LRP1B: variants seen among roughly 807,000 people sequenced by gnomAD.
The protein encoded by LRP1B is LDL receptor related protein 1B.
LRP1B carries 217 observed loss-of-function variants against 556.6 expected under a neutral mutation model. The observed-to-expected ratio is 0.39, with a 90% CI of 0.35 to 0.44. The LOEUF is 0.44. Among genes scored for constraint, LRP1B ranks in the 20% least tolerant of loss-of-function variants. The pLI is 1.00. For synonymous variants in LRP1B, 2,047 were observed against 1,865.8 expected (o/e 1.10, Z -2.50); for missense variants, 5,053 against 5,620.8 (o/e 0.90, Z 3.23).
chr2:140,728,585 C>T (rs288100), intron 35 of LRP1B, among the ~76,000 whole-genome samples: 149,864 of 152,276 alleles, frequency 0.98, 73,784 homozygotes, highest in Middle Eastern at 1. Context: ...GTTCCTCAAA[C>T]GTTCGGTTTC....
chr2:141,439,224 C>T lies in LRP1B; in HGVS notation c.343+41172G>A, dbSNP rs974592151. Among the ~76,000 whole-genome samples the T allele has an allele frequency of 7.9e-5, 12 of 152,112 alleles. 1 individual carries two copies. In the South Asian group the frequency reaches 1.5e-3, roughly 18 times the overall value. On this transcript the variant is annotated intron_variant, in intron 3 of 90. Transcript: ENST00000389484. The stretch of plus-strand genomic sequence containing the variant: ...GTGAAATCATTTATTATGTACTACA[C>T]GGGAACATATTAAATGTGAGAAGTT...
rs76194308 is a variant in LRP1B at position 141,429,481 on chromosome 2, A to G, written c.343+50915T>C. ...GTCTTGGTTAAGGAAAACTGTTTTT[A>G]TTTTTTTCCAGCTTTTAAGTTCAGG... On this transcript the variant is annotated intron_variant, in intron 3 of 90. Transcript: ENST00000389484. Among the ~76,000 whole-genome samples the G allele has an allele frequency of 1.9e-3, 292 of 152,080 alleles. 3 individuals are homozygous for G. The East Asian group carries it at 0.021, about 11-fold the overall frequency.
At position 141,359,272 on chromosome 2, in the gene LRP1B, A is replaced by AG. The variant is rs996460770; in HGVS notation, c.344-104632_344-104631insC. ...AAGACAAGGACAAAATAAATGAAAAAAAAAAAAACCACAGAATTGCTAAAT... is the reference window on the plus strand; with the variant it reads ...AAGACAAGGACAAAATAAATGAAAAAGAAAAAAAACCACAGAATTGCTAAAT... On this transcript the variant is annotated intron_variant, in intron 3 of 90. Transcript: ENST00000389484. Among the ~76,000 whole-genome samples, 103 of 151,584 alleles carry AG rather than the reference A, an allele frequency of 6.8e-4. 3 individuals are homozygous for AG. The highest frequency in any genetic ancestry group is 9.1e-4 in the Non-Finnish European group (62 of 67,836).
intron 1 of LRP1B, among the ~76,000 whole-genome samples, chr2:141,837,325 T>C (rs916978916): frequency 3.9e-5 from 6 of 152,034 alleles, no homozygotes; most frequent in Non-Finnish European, 8.8e-5. Flanking sequence ...TGCTTTTTCT[T>C]TTCTGAATGT....
At chr2:140,679,546 A>G (rs1685790172) in intron 41 of LRP1B, among the ~76,000 whole-genome samples, 1 of 152,246 alleles carries the variant, frequency 6.6e-6, no homozygotes, top group African/African-American at 2.4e-5. Context: ...AAGTTAAAAC[A>G]TAATGAGTAC....
intron 2 of LRP1B, among the ~76,000 whole-genome samples, chr2:141,603,577 A>G (rs961461496): frequency 3.9e-5 from 6 of 152,186 alleles, no homozygotes; most frequent in Non-Finnish European, 8.8e-5. Context: ...TACAGGACTG[A>G]TATATTTAGT....
intron 1 of LRP1B, among the ~76,000 whole-genome samples, chr2:142,099,664 C>T (rs1043472895): frequency 6.6e-6 from 1 of 151,836 alleles, no homozygotes; most frequent in Non-Finnish European, 1.5e-5. Flanking sequence ...ATTTGCCAGA[C>T]CAAATTCTTC....
intron 86 of LRP1B, among the ~76,000 whole-genome samples, chr2:140,260,350 GAGAAT>G (rs1421717588): frequency 6.6e-6 from 1 of 151,770 alleles, no homozygotes; most frequent in African/African-American, 2.4e-5. Context: ...GTTTTTAAAA[GAGAAT>G]AGTATTTAAA....
chr2:141,030,097 C>T (rs1458756455), intron 11 of LRP1B, among the ~76,000 whole-genome samples: 3 of 152,138 alleles, frequency 2.0e-5, no homozygotes, highest in Non-Finnish European at 4.4e-5. Flanking sequence ...GTTTTCTTAT[C>T]TTGAAATGAA....
At chr2:141,586,941 CA>C (rs769891211) in intron 2 of LRP1B, among the ~76,000 whole-genome samples, 10 of 71,544 alleles carry the variant, frequency 1.4e-4, no homozygotes, top group South Asian at 4.8e-4. Context: ...GACTCCATCT[CA>C]AAAAAAAAAG....
intron 2 of LRP1B, among the ~76,000 whole-genome samples, chr2:141,555,195 C>T (rs1178184021): frequency 6.6e-6 from 1 of 151,822 alleles, no homozygotes; most frequent in African/African-American, 2.4e-5. Flanking sequence ...AAACAAACAC[C>T]ACTACAAATT....
chr2:141,728,023 G>C (rs544794812), intron 2 of LRP1B, among the ~76,000 whole-genome samples: 12 of 152,084 alleles, frequency 7.9e-5, no homozygotes, highest in Middle Eastern at 3.4e-3. Context: ...TACTTTTAGC[G>C]CTATAATGAG....
At chr2:140,950,872 C>T (rs1411342651) in intron 19 of LRP1B, among the ~76,000 whole-genome samples, 1 of 148,526 alleles carries the variant, frequency 6.7e-6, no homozygotes, top group African/African-American at 2.5e-5. Context: ...AGTGGAACAA[C>T]ATTGCTGATA....
intron 25 of LRP1B, among the ~76,000 whole-genome samples, chr2:140,872,073 G>T: frequency 1.8e-5 from 2 of 113,094 alleles, no homozygotes; most frequent in South Asian, 3.2e-4. Context: ...TTCTCTCCTA[G>T]GACCTTGTAT....
At chr2:141,220,930 T>C (rs920473429) in intron 6 of LRP1B, among the ~76,000 whole-genome samples, 5 of 151,864 alleles carry the variant, frequency 3.3e-5, no homozygotes, top group African/African-American at 4.8e-5. Context: ...AAGAACTAAA[T>C]ATGGAAAGAA....
chr2:141,420,332 G>T (rs1233764675), intron 3 of LRP1B, among the ~76,000 whole-genome samples: 2 of 152,168 alleles, frequency 1.3e-5, no homozygotes, highest in African/African-American at 4.8e-5. Context: ...ATTTGAAAAT[G>T]CAGCCACGTA....
Position 141,365,758 on chromosome 2 carries a change from C to T in LRP1B, c.344-111117G>A, listed in dbSNP as rs1426546312. 4.0e-5 allele frequency among the ~76,000 whole-genome samples: 6 copies of T among 149,618 alleles called. No individual in the cohort carries two copies. The East Asian group carries it at 7.8e-4, about 20-fold the overall frequency. ...CACAATCTCGGCTACCTGCAAGATC[C>T]GCCTCCCGGGTTCACACCATTCTCC... On this transcript the variant is annotated intron_variant, in intron 3 of 90. Transcript: ENST00000389484.
At chr2:140,270,371 C>A (rs767322420) in intron 85 of LRP1B, 25 bp from the exon 86 acceptor site, 3 of 1,434,634 alleles carry the variant, frequency 2.1e-6, no homozygotes, top group Non-Finnish European at 9.8e-7. Context: ...AAAAAAAGAA[C>A]AATTTCATTG....
intron 84 of LRP1B, among the ~76,000 whole-genome samples, chr2:140,290,963 ATGT>A (rs1442906004): frequency 2.0e-5 from 3 of 152,074 alleles, no homozygotes; most frequent in Admixed American, 6.6e-5. Context: ...GCTTAATCTC[ATGT>A]TGTTGGCACT....
Sources: allele counts gnomAD v4.1 joint callset (sites outside exome capture counted in the v4.1 genomes callset), GRCh38; gene constraint gnomAD v4.1.1; transcripts MANE v1.5; gene names NCBI Gene and HGNC (gene_info 2026-07-23, HGNC 2026-07-21).